GHR: variants seen among roughly 807,000 people sequenced by gnomAD.
GHR encodes the protein GH receptor.
Under a neutral mutation model 67.1 loss-of-function variants are expected in GHR, and 35 were observed. That is an observed-to-expected ratio of 0.52 (90% CI 0.40 to 0.69). The LOEUF (loss-of-function observed/expected upper bound fraction) is 0.69, where lower values mean the gene tolerates loss of function less well. Among genes scored for constraint, GHR ranks in the 30% least tolerant of loss-of-function variants. The probability of loss-of-function intolerance (pLI) is 0.00; values close to 1 mark genes in which losing one functional copy is unlikely to be tolerated. For synonymous variants in GHR, 272 were observed against 269.1 expected (o/e 1.01, Z -0.10); for missense variants, 792 against 764.6 (o/e 1.04, Z -0.42).
chr5:42,670,748 G>T (rs1394553807), intron 3 of GHR, among the ~76,000 whole-genome samples: 1 of 151,804 alleles, frequency 6.6e-6, no homozygotes, highest in Admixed American at 6.6e-5. Flanking sequence ...TGACGAGTTA[G>T]TGGGTGCAGT....
Position 42,719,038 on chromosome 5 carries a change from A to T in GHR, c.1531A>T (p.Met511Leu). The change falls in exon 10 of 10, where the codon ATG becomes TTG. Residue 511 changes from methionine to leucine, a missense_variant. By Grantham distance (15) the Met-to-Leu change is conservative. Coordinates refer to ENST00000230882, the MANE Select transcript of GHR (RefSeq NM_000163.5). ...CCCGGGCCAAAAGAATAAGGCAGGG[A>T]TGTCCCAATGTGACATGCACCCGGA... ...LSPGQKNKAG[M>L]SQCDMHPEMV... is the part of the protein sequence containing the mutation. 1.2e-6 allele frequency: 2 copies of T among 1,608,572 alleles called. No homozygotes were observed. Among genetic ancestry groups the T allele is most frequent in the Non-Finnish European group, 8.5e-7 (1 of 1,176,270 alleles).
chr5:42,607,056 C>T (rs990255174), intron 2 of GHR, among the ~76,000 whole-genome samples: 1 of 152,144 alleles, frequency 6.6e-6, no homozygotes, highest in African/African-American at 2.4e-5. Context: ...CTCACAAGAG[C>T]TGATGAAGTT....
intron 8 of GHR, chr5:42,715,172 G>T: frequency 3.5e-6 from 1 of 284,578 alleles, no homozygotes; most frequent in Non-Finnish European, 7.3e-6. Flanking sequence ...CAAATTTCCT[G>T]CACTAAATTG....
intron 1 of GHR, among the ~76,000 whole-genome samples, chr5:42,544,886 T>C (rs889111075): frequency 6.6e-6 from 1 of 152,194 alleles, no homozygotes; most frequent in Non-Finnish European, 1.5e-5. Flanking sequence ...TGATGGAATA[T>C]GAATTAAATT....
At chr5:42,653,645 A>G (rs912113644) in intron 3 of GHR, among the ~76,000 whole-genome samples, 5 of 152,158 alleles carry the variant, frequency 3.3e-5, no homozygotes, top group Non-Finnish European at 7.4e-5. Flanking sequence ...GTAAGGGACC[A>G]CTCAGAAAAT....
In GHR at chr5:42,699,908, G is replaced by A; in HGVS notation, c.524G>A (p.Trp175Ter). Reference protein sequence around the residue: ...TGIHADIQVRWEAPRNADIQK... With the variant: ...TGIHADIQVR ...ATTCATGCAGATATCCAAGTGAGAT[G>A]GGAAGCACCACGCAATGCAGATATT... The change falls in exon 6 of 10, where the codon TGG (tryptophan) becomes TAG (stop). Residue 175 changes from tryptophan (W) to a stop codon, truncating the protein, a stop_gained. Coordinates refer to ENST00000230882, the MANE Select transcript of GHR (RefSeq NM_000163.5). LOFTEE classifies it high-confidence loss of function. The A allele has an allele frequency of 6.3e-7, 1 of 1,599,420 alleles. No homozygotes were observed. The highest frequency in any genetic ancestry group is 8.6e-7 in the Non-Finnish European group (1 of 1,166,570).
chr5:42,592,664 C>T (rs1751847810), intron 2 of GHR, among the ~76,000 whole-genome samples: 1 of 152,120 alleles, frequency 6.6e-6, no homozygotes, highest in African/African-American at 2.4e-5. Flanking sequence ...AGTCTACTGT[C>T]AATGGGCATT....
intron 3 of GHR, among the ~76,000 whole-genome samples, chr5:42,660,535 C>T (rs1354489155): frequency 2.0e-5 from 3 of 152,190 alleles, no homozygotes; most frequent in Admixed American, 1.3e-4. Flanking sequence ...CTCCAACAGA[C>T]CTGCAGCTGA....
At chr5:42,503,613 A>G (rs754616556) in intron 1 of GHR, among the ~76,000 whole-genome samples, 3 of 152,198 alleles carry the variant, frequency 2.0e-5, no homozygotes, top group Non-Finnish European at 4.4e-5. Flanking sequence ...AATGAACAAA[A>G]CAGAGTCCTT....
At chr5:42,652,432 T>C (rs1755057344) in intron 3 of GHR, among the ~76,000 whole-genome samples, 1 of 152,154 alleles carries the variant, frequency 6.6e-6, no homozygotes, top group Admixed American at 6.6e-5. Flanking sequence ...TTAGTGCCAT[T>C]CAATTCACAC....
intron 1 of GHR, among the ~76,000 whole-genome samples, chr5:42,435,559 G>A (rs977016257): frequency 3.9e-5 from 6 of 152,136 alleles, no homozygotes; most frequent in African/African-American, 1.4e-4. Flanking sequence ...CAGAAAAGTT[G>A]CAAAAATTTT....
At chr5:42,520,542 A>G (rs188898070) in intron 1 of GHR, among the ~76,000 whole-genome samples, 198 of 152,230 alleles carry the variant, frequency 1.3e-3, no homozygotes, top group Non-Finnish European at 2.5e-3. Context: ...ACTGGAAAAT[A>G]AACTGGAATG....
At position 42,424,171 on chromosome 5, in the gene GHR, A is replaced by AGTGTGTGTGTGTGTGTGTGTGT. The variant is rs1158830359; in HGVS notation, c.-12+243_-12+264dup. ...CTGGTGGGTTGTTGTAACCCAATCT[A>AGTGTGTGTGTGTGTGTGTGTGT]GTGTGTGTGTGTGTGTGTGTGTGTG... On this transcript the variant is annotated intron_variant, in intron 1 of 9. Transcript: ENST00000230882. The surrounding 1 kb of genome is among the most constrained non-coding windows in gnomAD (Gnocchi z 4.1). Among the ~76,000 whole-genome samples, 32 of 100,580 alleles carry AGTGTGTGTGTGTGTGTGTGTGT rather than the reference A, an allele frequency of 3.2e-4. 1 individual carries two copies. The highest frequency in any genetic ancestry group is 8.7e-4 in the African/African-American group (21 of 24,226). The allele number at this position is 100,580 out of a possible 152,430, so 66.0% of individuals were successfully genotyped here. A position where few individuals can be genotyped will look rare whatever the true frequency, so the allele number is the denominator to read the frequency against.
intron 1 of GHR, among the ~76,000 whole-genome samples, chr5:42,546,819 T>C (rs1426877073): frequency 6.6e-6 from 1 of 151,984 alleles, no homozygotes; most frequent in Non-Finnish European, 1.5e-5. Flanking sequence ...AAGTGGGAAA[T>C]GGTGGCTAGT....
chr5:42,642,464 A>G (rs1754528253), intron 3 of GHR, among the ~76,000 whole-genome samples: 1 of 152,042 alleles, frequency 6.6e-6, no homozygotes, highest in South Asian at 2.1e-4. Flanking sequence ...AAGTCAGGGG[A>G]CTTCGTTGGT....
intron 1 of GHR, among the ~76,000 whole-genome samples, chr5:42,501,349 A>C (rs1342784736): frequency 6.9e-6 from 1 of 143,980 alleles, no homozygotes; most frequent in Non-Finnish European, 1.5e-5. Context: ...TTCTACCTGC[A>C]TTTAAATTAG....
intron 2 of GHR, among the ~76,000 whole-genome samples, chr5:42,592,137 G>T (rs995941372): frequency 2.0e-5 from 3 of 152,148 alleles, no homozygotes; most frequent in African/African-American, 7.2e-5. Context: ...AGGTTGCTGT[G>T]GTAGTTTTTG....
At chr5:42,670,098 A>G (rs1418475909) in intron 3 of GHR, among the ~76,000 whole-genome samples, 1 of 152,256 alleles carries the variant, frequency 6.6e-6, no homozygotes, top group Non-Finnish European at 1.5e-5. Flanking sequence ...TGCTGGAAGC[A>G]TCACATTATC....
chr5:42,463,034 T>G (rs1744554369), intron 1 of GHR, among the ~76,000 whole-genome samples: 2 of 152,178 alleles, frequency 1.3e-5, no homozygotes, highest in Admixed American at 1.3e-4. Flanking sequence ...GGTAGATTTA[T>G]TATTTTAAGG....
Sources: gnomAD v4.1 joint callset for allele counts (sites outside exome capture counted in the v4.1 genomes callset) on GRCh38, gnomAD v4.1.1 for gene constraint, Gnocchi (gnomAD v3.1) non-coding constraint, MANE v1.5 for transcripts, NCBI Gene and HGNC (gene_info 2026-07-23, HGNC 2026-07-21) for gene names.